MAP4K2: variants seen among roughly 807,000 people sequenced by gnomAD.
The protein encoded by MAP4K2 is mitogen-activated protein kinase kinase kinase kinase 2.
A neutral mutation model predicts 125.3 loss-of-function variants in MAP4K2; 85 were observed. The ratio of observed to expected loss-of-function variants is 0.68; its 90% CI spans 0.57 to 0.81. MAP4K2 has a LOEUF of 0.81. Among genes scored for constraint, MAP4K2 ranks in the 40% least tolerant of loss-of-function variants. The pLI is 0.00. For missense variants in MAP4K2, 923 were observed against 1,056.4 expected (o/e 0.87, Z 1.75); for synonymous variants, 479 against 445.1 (o/e 1.08, Z -0.96).
chr11:64,786,357 G>A lies in MAP4K2; in HGVS notation c.*3180C>T, dbSNP rs1020334050. On this transcript the variant is annotated 3_prime_UTR_variant, in exon 32 of 32. Coordinates refer to ENST00000294066, the MANE Select transcript of MAP4K2 (RefSeq NM_004579.5). The stretch of plus-strand genomic sequence containing the variant: ...TCAGCGAGCTGGGGTGGCTCACCCA[G>A]TCCAAGGGCAGATTGCAGGGACTCC... 2.0e-5 allele frequency: 3 copies of A among 152,176 alleles called. No individual in the cohort carries two copies. The highest frequency in any genetic ancestry group is 7.2e-5 in the African/African-American group (3 of 41,440). 9.4% of individuals were successfully genotyped at this position (152,176 alleles called of 1,614,324 possible).
chr11:64,801,183 G>A lies in MAP4K2; in HGVS notation c.458C>T (p.Ala153Val). 6.2e-7 allele frequency: 1 copy of A among 1,612,316 alleles called. No individual in the cohort carries two copies. Among genetic ancestry groups the A allele is most frequent in the Non-Finnish European group, 8.5e-7 (1 of 1,179,746 alleles). Reference sequence around the variant, plus strand: ...CAGCTCGCCTGACACCCCAAAGTCAGCTGTGGGGAGAAACAGCCACTCTCA... The same window carrying A: ...CAGCTCGCCTGACACCCCAAAGTCAACTGTGGGGAGAAACAGCCACTCTCA... Reference protein sequence around the residue: ...LLTLQGDVKLADFGVSGELTA... With the variant: ...LLTLQGDVKLVDFGVSGELTA... The change falls in exon 8 of 32, where the codon GCT becomes GTT. Residue 153 changes from alanine to valine, a missense_variant and splice_region_variant. Around this residue, in one of 2 missense-constraint regions of MAP4K2, gnomAD observed 833 missense variants for 911.4 expected, o/e 0.91. Coordinates refer to ENST00000294066, the MANE Select transcript of MAP4K2 (RefSeq NM_004579.5).
chr11:64,791,994 C>G lies in MAP4K2; in HGVS notation c.2007G>C (p.Glu669Asp), dbSNP rs749995391. The change falls in exon 27 of 32, where the codon GAG becomes GAC. Residue 669 changes from glutamate to aspartate, a missense_variant. By Grantham distance (45) the Glu-to-Asp change is conservative. This residue lies in a region of MAP4K2 where 833 missense variants were observed against 911.4 expected (regional missense o/e 0.91). Transcript: ENST00000294066. ...CGCGGCAGCCGGGCCCCTCAGGCCC[C>G]TCGGCCCCAACACACACCTGCGGCA... ...KELPQVCVGAEGPEGPGCRVL... is the reference protein window; with the variant it reads ...KELPQVCVGADGPEGPGCRVL... 1 of 1,601,966 alleles carries G rather than the reference C, an allele frequency of 6.2e-7. No individual in the cohort carries two copies. The highest frequency in any genetic ancestry group is 2.3e-5 in the East Asian group (1 of 44,420).
At chr11:64,802,239 C>G in intron 4 of MAP4K2, 118 bp from the exon 5 acceptor site, 1 of 1,097,924 alleles carries the variant, frequency 9.1e-7, no homozygotes, top group Non-Finnish European at 1.3e-6. Flanking sequence ...TGGCCACGTC[C>G]CCTCCCAGTT....
rs772355244 is a variant in MAP4K2, at chr11:64,789,597, A to C, written c.2403T>G (p.Thr801=). The C allele has an allele frequency of 3.1e-6, 5 of 1,607,686 alleles. No individual in the cohort carries two copies. The highest frequency in any genetic ancestry group is 1.3e-5 in the African/African-American group (1 of 74,986). Residue 801 remains threonine (T), a synonymous_variant, in exon 32 of 32, where the codon ACT becomes ACG. Coordinates refer to ENST00000294066, the MANE Select transcript of MAP4K2 (RefSeq NM_004579.5). Reference sequence around the variant, plus strand: ...GGTTGCTGTGCGCCTCTGGGTTGTCAGTGGGAATGCTCTCCAGGATGATGT... The same window carrying C: ...GGTTGCTGTGCGCCTCTGGGTTGTCCGTGGGAATGCTCTCCAGGATGATGT... The part of the protein sequence containing the change: ...HRDIILESIP[T]DNPEAHSNLY...
chr11:64,789,822 G>A (rs372194535), intron 30 of MAP4K2, 37 bp from the exon 31 acceptor site: 40 of 1,613,862 alleles, frequency 2.5e-5, no homozygotes, highest in Non-Finnish European at 3.1e-5. Flanking sequence ...GGCCACTCCA[G>A]TAGGTCCTTT....
In MAP4K2 at chr11:64,789,498, TG is replaced by T. The variant is rs1254979055; in HGVS notation, c.*38del. The T allele has an allele frequency of 2.4e-5, 37 of 1,536,740 alleles. No individual in the cohort carries two copies. Among genetic ancestry groups the T allele is most frequent in the Non-Finnish European group, 3.2e-5 (36 of 1,132,858 alleles). On this transcript the variant is annotated 3_prime_UTR_variant, in exon 32 of 32. Coordinates refer to ENST00000294066, the MANE Select transcript of MAP4K2 (RefSeq NM_004579.5). ...CCCAAAAGGGCCTGCAGCTAAGGCG[TG>T]GGGTGGGGCGGGGAGCCCCTGGACA...
Position 64,802,137 on chromosome 11 carries a change from A to C in MAP4K2, c.311-16T>G, listed in dbSNP as rs1294525416. On this transcript the variant is annotated splice_polypyrimidine_tract_variant and intron_variant, in intron 4 of 31. Coordinates refer to ENST00000294066, the MANE Select transcript of MAP4K2 (RefSeq NM_004579.5). The stretch of plus-strand genomic sequence containing the variant: ...GGCCCAGTGGCTGAAAGGAAAAGGG[A>C]GAGGCTGGCTTGGGGGCCCGGGGGT... 6.2e-7 allele frequency: 1 copy of C among 1,612,196 alleles called. No individual in the cohort carries two copies. The highest frequency in any genetic ancestry group is 8.5e-7 in the Non-Finnish European group (1 of 1,179,462).
chr11:64,801,660 C>G, intron 6 of MAP4K2, 39 bp from the exon 7 acceptor site: 1 of 1,613,874 alleles, frequency 6.2e-7, no homozygotes, highest in Non-Finnish European at 8.5e-7. Context: ...TCTGGTGCCC[C>G]CGAGGGCCTC....
At chr11:64,802,148 T>TGGGGGCCC (rs755620221) in intron 4 of MAP4K2, 27 bp from the exon 5 acceptor site, 6 of 1,608,256 alleles carry the variant, frequency 3.7e-6, no homozygotes, top group Admixed American at 1.7e-5. Context: ...GAGGCTGGCT[T>TGGGGGCCC]GGGGGCCCGG....
chr11:64,790,506 C>T, intron 27 of MAP4K2, 44 bp from the exon 28 acceptor site: 5 of 1,578,714 alleles, frequency 3.2e-6, no homozygotes, highest in Admixed American at 1.7e-5. Context: ...AGCCACCAGT[C>T]CCCCAACCCC....
intron 4 of MAP4K2, 141 bp downstream of exon 4, chr11:64,802,278 A>T: frequency 9.2e-7 from 1 of 1,088,858 alleles, no homozygotes; most frequent in Non-Finnish European, 1.4e-6. Context: ...CCAGAGATGG[A>T]CAGTATTTCT....
Position 64,796,352 on chromosome 11 carries a change from G to T in MAP4K2, c.1672C>A (p.Leu558Met). The change falls in exon 24 of 32, where the codon CTG (leucine) becomes ATG (methionine). Residue 558 changes from leucine to methionine, a missense_variant. Transcript: ENST00000294066. ...THIWAHDLPG[L>M]FEQRRLQQQV... is the part of the protein sequence containing the mutation. ...TGCTGTAGCCTCCGCTGCTCAAACA[G>T]GCCTGGGAGGTCATGGGCCCAGATG... The T allele has an allele frequency of 6.3e-7, 1 of 1,583,564 alleles. No individual in the cohort carries two copies. Among genetic ancestry groups the T allele is most frequent in the Non-Finnish European group, 8.6e-7 (1 of 1,163,644 alleles).
chr11:64,793,179 G>A lies in MAP4K2; in HGVS notation c.1752-757C>T, dbSNP rs191577993. 2.0e-4 allele frequency among the ~76,000 whole-genome samples: 30 copies of A among 152,044 alleles called. 1 individual carries two copies. The highest frequency in any genetic ancestry group is 1.5e-3 in the Admixed American group (23 of 15,266). On this transcript the variant is annotated intron_variant, in intron 24 of 31. Transcript: ENST00000294066. The stretch of plus-strand genomic sequence containing the variant: ...TGCAGTGAGCCGAGATTGTGCCATC[G>A]GACTCCAGCCCGGGCAATGAGAGTG...
chr11:64,796,460 G>T (rs781111851), intron 23 of MAP4K2, 33 bp downstream of exon 23: 2 of 1,613,734 alleles, frequency 1.2e-6, no homozygotes, highest in East Asian at 4.5e-5. Context: ...GAGCCCCTGC[G>T]GACCCTGCCT....
Position 64,785,121 on chromosome 11 carries a change from C to G in MAP4K2, c.*4416G>C, listed in dbSNP as rs1486101566. Reference sequence around the variant, plus strand: ...GCTAAGCAAGAAGCCAGACAAAACACAAGTACATACTGTGTGATTCTATTT... The same window carrying G: ...GCTAAGCAAGAAGCCAGACAAAACAGAAGTACATACTGTGTGATTCTATTT... On this transcript the variant is annotated 3_prime_UTR_variant, in exon 32 of 32. Transcript: ENST00000294066. 6.6e-6 allele frequency: 1 copy of G among 152,218 alleles called. No individual in the cohort carries two copies. The highest frequency in any genetic ancestry group is 2.1e-4 in the South Asian group (1 of 4,832). 9.4% of individuals were successfully genotyped at this position (152,218 alleles called of 1,614,324 possible). A position where few individuals can be genotyped will look rare whatever the true frequency, so the allele number is the denominator to read the frequency against.
In MAP4K2 at chr11:64,791,761, C is replaced by CT. The variant is rs1395248090; in HGVS notation, c.2092+147_2092+148insA. On this transcript the variant is annotated intron_variant, in intron 27 of 31. Transcript: ENST00000294066. ...AAGCTTGTTGAAGGGAGGCTGTGGG[C>CT]CCCAGACCCCACATGGCAGCCCTCA... 4.4e-5 allele frequency: 34 copies of CT among 780,442 alleles called. No homozygotes were observed. The Admixed American group carries it at 1.0e-3, about 24-fold the overall frequency. 48.3% of individuals were successfully genotyped at this position (780,442 alleles called of 1,614,324 possible).
At chr11:64,798,402 G>T (rs546234397) in intron 15 of MAP4K2, among the ~76,000 whole-genome samples, 69 of 152,246 alleles carry the variant, frequency 4.5e-4, no homozygotes, top group African/African-American at 1.6e-3. Context: ...CTGACCTTGG[G>T]ATCCGCCCAC....
chr11:64,797,380 C>T lies in MAP4K2; in HGVS notation c.1171G>A (p.Glu391Lys). 1 of 1,580,092 alleles carries T rather than the reference C, an allele frequency of 6.3e-7. No homozygotes were observed. The highest frequency in any genetic ancestry group is 8.6e-7 in the Non-Finnish European group (1 of 1,162,720). Residue 391 changes from glutamate to lysine, a missense_variant and splice_region_variant, in exon 18 of 32, where the codon GAG becomes AAG. By Grantham distance (56) the Glu-to-Lys change is moderately conservative. Around this residue, in one of 2 missense-constraint regions of MAP4K2, gnomAD observed 833 missense variants for 911.4 expected, o/e 0.91. Transcript: ENST00000294066. ...LTIRSASEFQELDSPDDTMGT... is the reference protein window; with the variant it reads ...LTIRSASEFQKLDSPDDTMGT... ...ATGGTATCGTCTGGGGAGTCCAGCT[C>T]CTGGTAGGAGGGGCAGGGCCCAGCC... is the stretch of plus-strand genomic sequence containing the variant.
chr11:64,789,651 G>A, intron 31 of MAP4K2, 27 bp from the exon 32 acceptor site: 2 of 1,612,190 alleles, frequency 1.2e-6, no homozygotes, highest in Non-Finnish European at 1.7e-6. Flanking sequence ...TAGGGGGCAG[G>A]GCGGGAGACA....
Sources: gnomAD v4.1 joint callset for allele counts (sites outside exome capture counted in the v4.1 genomes callset) on GRCh38, gnomAD v4.1.1 for gene constraint, gnomAD v4.1.1 regional missense constraint, MANE v1.5 for transcripts, NCBI Gene and HGNC (gene_info 2026-07-23, HGNC 2026-07-21) for gene names.